Variants in ADAM22 observed in about 807,000 individuals in gnomAD.
ADAM22 encodes the protein ADAM metallopeptidase domain 22.
A neutral mutation model predicts 144.6 loss-of-function variants in ADAM22; 65 were observed. The ratio of observed to expected loss-of-function variants is 0.45; its 90% confidence interval spans 0.37 to 0.55. The LOEUF is 0.55. Among genes scored for constraint, ADAM22 ranks in the 20% least tolerant of loss-of-function variants. The probability of loss-of-function intolerance (pLI) is 0.00; values close to 1 mark genes in which losing one functional copy is unlikely to be tolerated. For synonymous variants in ADAM22, 391 were observed against 412.6 expected, an observed-to-expected ratio of 0.95 and a Z score of 0.63; for missense variants, 974 against 1,184.9, an observed-to-expected ratio of 0.82 and a Z score of 2.61.
intron 3 of ADAM22, among the ~76,000 whole-genome samples, chr7:88,071,858 A>G (rs1297173680): frequency 1.3e-5 from 2 of 152,152 alleles, no homozygotes; most frequent in African/African-American, 4.8e-5. Flanking sequence ...TGACCCATTT[A>G]CATTAATATA....
In ADAM22 at chr7:88,155,229, T is replaced by TA. The variant is rs112499423; in HGVS notation, c.1788-648dup. 2.4e-3 allele frequency among the ~76,000 whole-genome samples: 365 copies of TA among 149,874 alleles called. 1 individual carries two copies. Among genetic ancestry groups the TA allele is most frequent in the Non-Finnish European group, 4.1e-3 (275 of 67,274 alleles). On this transcript the variant is annotated intron_variant, in intron 21 of 31. Transcript: ENST00000413139. The stretch of plus-strand genomic sequence containing the variant: ...ATCCAAATATCATTCAATTACCAAT[T>TA]AAAAAAAAAATTGTCTGGGCACAGC...
chr7:88,196,377 T>C (rs1850670765), intron 31 of ADAM22, 94 bp from the exon 32 acceptor site: 1 of 1,412,866 alleles, frequency 7.1e-7, no homozygotes, highest in African/African-American at 1.4e-5. Flanking sequence ...CACATATATA[T>C]GGATGGAATC....
At chr7:88,059,942 A>G (rs1479372261) in intron 3 of ADAM22, among the ~76,000 whole-genome samples, 1 of 152,166 alleles carries the variant, frequency 6.6e-6, no homozygotes, top group Admixed American at 6.5e-5. Context: ...TGAGGGGTTC[A>G]GTAAAAGCCA....
chr7:88,120,134 G>T (rs185765654), intron 7 of ADAM22, among the ~76,000 whole-genome samples: 3 of 151,838 alleles, frequency 2.0e-5, no homozygotes, highest in Admixed American at 2.0e-4. Flanking sequence ...TAATGCTGCT[G>T]GTGCTGGAAT....
chr7:87,954,454 A>C (rs531265911), intron 2 of ADAM22, among the ~76,000 whole-genome samples: 2 of 152,278 alleles, frequency 1.3e-5, no homozygotes, highest in East Asian at 1.9e-4. Context: ...TATTTTTAAG[A>C]ATGTTGAATA....
intron 3 of ADAM22, among the ~76,000 whole-genome samples, chr7:88,041,457 A>G (rs1431446251): frequency 1.3e-5 from 2 of 151,616 alleles, no homozygotes; most frequent in Non-Finnish European, 2.9e-5. Flanking sequence ...TATATATTTT[A>G]TATATATAAA....
intron 4 of ADAM22, among the ~76,000 whole-genome samples, chr7:88,081,949 G>A (rs1025139675): frequency 6.6e-6 from 1 of 151,604 alleles, no homozygotes; most frequent in African/African-American, 2.4e-5. Flanking sequence ...TCCCCATCAA[G>A]CTACCAATGA....
At chr7:88,093,712 A>C (rs529133182) in intron 4 of ADAM22, among the ~76,000 whole-genome samples, 3 of 152,112 alleles carry the variant, frequency 2.0e-5, no homozygotes, top group Admixed American at 2.0e-4. Context: ...ATGCCCGGCT[A>C]ATTTTTGTAT....
chr7:88,171,883 G>GT (rs982210960), intron 26 of ADAM22, among the ~76,000 whole-genome samples: 21 of 151,742 alleles, frequency 1.4e-4, no homozygotes, highest in African/African-American at 5.1e-4. Context: ...ATGTTAAGGT[G>GT]TCCCATTTGT....
At chr7:88,179,194 C>A in intron 27 of ADAM22, 65 bp downstream of exon 27, 1 of 650,758 alleles carries the variant, frequency 1.5e-6, no homozygotes, top group Non-Finnish European at 2.7e-6. Context: ...TTTGATTACT[C>A]TACTTCAAAA....
At chr7:88,151,685 G>C (rs1838437981) in intron 20 of ADAM22, among the ~76,000 whole-genome samples, 1 of 152,182 alleles carries the variant, frequency 6.6e-6, no homozygotes, top group Non-Finnish European at 1.5e-5. Context: ...ATATGGGATG[G>C]ACGTGGACCC....
At chr7:87,991,399 G>A (rs541059755) in intron 3 of ADAM22, among the ~76,000 whole-genome samples, 157 of 118,946 alleles carry the variant, frequency 1.3e-3, no homozygotes, top group African/African-American at 4.7e-3. Context: ...TCGCTCTGTC[G>A]CCCAGGCCGG....
chr7:88,031,871 AC>A (rs1800349381), intron 3 of ADAM22, among the ~76,000 whole-genome samples: 1 of 152,244 alleles, frequency 6.6e-6, no homozygotes, highest in Non-Finnish European at 1.5e-5. Flanking sequence ...GGCCCCAGAT[AC>A]ATCTCAGGCT....
intron 2 of ADAM22, among the ~76,000 whole-genome samples, chr7:87,967,514 TA>T (rs949170760): frequency 3.3e-5 from 5 of 151,830 alleles, no homozygotes; most frequent in Non-Finnish European, 7.4e-5. Context: ...ATGCCTCATT[TA>T]AAAAAACAGT....
chr7:88,147,108 G>A (rs1377314638), intron 17 of ADAM22, among the ~76,000 whole-genome samples: 1 of 152,110 alleles, frequency 6.6e-6, no homozygotes, highest in Non-Finnish European at 1.5e-5. Flanking sequence ...TTATTTCAAG[G>A]AACAAGTAGA....
At chr7:88,074,166 G>A (rs1813566711) in intron 3 of ADAM22, among the ~76,000 whole-genome samples, 2 of 152,022 alleles carry the variant, frequency 1.3e-5, no homozygotes, top group African/African-American at 4.8e-5. Flanking sequence ...TTGTGTCGAA[G>A]CTGAAAAACC....
At chr7:87,998,037 C>G (rs1018160793) in intron 3 of ADAM22, among the ~76,000 whole-genome samples, 5 of 152,136 alleles carry the variant, frequency 3.3e-5, no homozygotes, top group African/African-American at 1.2e-4. Context: ...TGGTGTATGT[C>G]CAAGGGTCCA....
rs559312591 is a variant in ADAM22 at position 88,065,049 on chromosome 7, C to T, written c.324-10577C>T. On this transcript the variant is annotated intron_variant, in intron 3 of 31. Transcript: ENST00000413139. ...TGAAAAATAATTAAGATGTTTAATA[C>T]TTTTCTTGAGAAATTTTGTGATAAG... Among the ~76,000 whole-genome samples the T allele has an allele frequency of 3.3e-5, 5 of 152,146 alleles. No individual in the cohort carries two copies. The East Asian group carries it at 7.7e-4, about 23-fold the overall frequency.
At chr7:88,038,226 A>C (rs1439068540) in intron 3 of ADAM22, among the ~76,000 whole-genome samples, 1 of 152,192 alleles carries the variant, frequency 6.6e-6, no homozygotes, top group East Asian at 1.9e-4. Flanking sequence ...TTTCAGGAAT[A>C]ATTGGCTTAT....
Sources: gnomAD v4.1 joint callset for allele counts (sites outside exome capture counted in the v4.1 genomes callset) on GRCh38, gnomAD v4.1.1 for gene constraint, MANE v1.5 for transcripts, NCBI Gene and HGNC (gene_info 2026-07-23, HGNC 2026-07-21) for gene names.